Variants in VAX1 observed in about 807,000 individuals in gnomAD.
VAX1 encodes ventral anterior homeobox 1.
In VAX1, 6 loss-of-function variants were observed where a neutral mutation model predicts 17.6. The observed-to-expected ratio is 0.34, with a 90% CI of 0.19 to 0.67. The LOEUF (loss-of-function observed/expected upper bound fraction) is 0.67. Among genes scored for constraint, VAX1 ranks in the 30% least tolerant of loss-of-function variants. VAX1 has a pLI of 0.69. For missense variants in VAX1, 408 were observed against 463.7 expected, an observed-to-expected ratio of 0.88 and a Z score of 1.10; for synonymous variants, 256 against 227.4, an observed-to-expected ratio of 1.13 and a Z score of -1.13.
Position 117,133,650 on chromosome 10 carries a change from G to C in VAX1, c.*358C>G, listed in dbSNP as rs538410092. 1 of 1,007,774 alleles carries C rather than the reference G, an allele frequency of 9.9e-7. No individual in the cohort carries two copies. Among genetic ancestry groups the C allele is most frequent in the African/African-American group, 1.7e-5 (1 of 58,108 alleles). 62.4% of individuals were successfully genotyped at this position (1,007,774 alleles called of 1,614,324 possible). A position where few individuals can be genotyped will look rare whatever the true frequency, so the allele number is the denominator to read the frequency against. On this transcript the variant is annotated 3_prime_UTR_variant, in exon 3 of 3. Coordinates refer to ENST00000369206, the MANE Select transcript of VAX1 (RefSeq NM_001112704.2). ...AGCGGCAGCAGCCGCAGCAGCCGCGGATCTAGAGCAAACGTCCTGTGCTTT... is the reference window on the plus strand; with the variant it reads ...AGCGGCAGCAGCCGCAGCAGCCGCGCATCTAGAGCAAACGTCCTGTGCTTT...
At position 117,133,502 on chromosome 10, in the gene VAX1, C is replaced by T. The variant is rs1202069069; in HGVS notation, c.*506G>A. ...CCGCAAAGCGGGGCCCAGGGGCTCC[C>T]ACAAGCCCTGGTTTCCCTGGCAAGA... is the stretch of plus-strand genomic sequence containing the variant. On this transcript the variant is annotated 3_prime_UTR_variant, in exon 3 of 3. Coordinates refer to ENST00000369206, the MANE Select transcript of VAX1 (RefSeq NM_001112704.2). 1.0e-6 allele frequency: 1 copy of T among 985,540 alleles called. No homozygotes were observed. The highest frequency in any genetic ancestry group is 6.1e-5 in the Admixed American group (1 of 16,280). 61.0% of individuals were successfully genotyped at this position (985,540 alleles called of 1,614,324 possible).
intron 2 of VAX1, among the ~76,000 whole-genome samples, chr10:117,135,231 G>A (rs1454628252): frequency 2.0e-5 from 3 of 152,204 alleles, no homozygotes; most frequent in Non-Finnish European, 4.4e-5. Flanking sequence ...ATGTGCGGGA[G>A]ACTTTATGTA....
In VAX1 at chr10:117,134,448, A is replaced by G. The variant is rs1854142575; in HGVS notation, c.565T>C (p.Ser189Pro). 1.3e-6 allele frequency: 2 copies of G among 1,510,042 alleles called. No individual in the cohort carries two copies. Among genetic ancestry groups the G allele is most frequent in the South Asian group, 2.4e-5 (2 of 81,848 alleles). The allele number at this position is 1,510,042 out of a possible 1,614,324, so 93.5% of individuals were successfully genotyped here. ...LRLLEQGRLL[S>P]PPGLPALLPP... The stretch of plus-strand genomic sequence containing the variant: ...AGCAGCGCAGGCAGGCCGGGCGGCG[A>G]CAACAGGCGGCCCTGCTCCAGCAGC... The change falls in exon 3 of 3, where the codon TCG (serine) becomes CCG (proline). Residue 189 changes from serine to proline, a missense_variant. Ser to Pro is a moderately conservative substitution (Grantham distance 74). Coordinates refer to ENST00000369206, the MANE Select transcript of VAX1 (RefSeq NM_001112704.2). The surrounding 1 kb of genome is among the most constrained non-coding windows in gnomAD (Gnocchi z 6.2).
Position 117,133,601 on chromosome 10 carries a change from C to G in VAX1, c.*407G>C, listed in dbSNP as rs905701860. The stretch of plus-strand genomic sequence containing the variant: ...GGGTCTGCGCGCAGTTTTCCTCTTT[C>G]AAATATTCCTAGGAATAGTCGGCAG... On this transcript the variant is annotated 3_prime_UTR_variant, in exon 3 of 3. Coordinates refer to ENST00000369206, the MANE Select transcript of VAX1 (RefSeq NM_001112704.2). 1.2e-5 allele frequency: 12 copies of G among 988,660 alleles called. No individual in the cohort carries two copies. The highest frequency in any genetic ancestry group is 1.4e-5 in the Non-Finnish European group (12 of 832,316). 61.2% of individuals were successfully genotyped at this position (988,660 alleles called of 1,614,324 possible).
chr10:117,132,122 T>C, downstream of VAX1: 1 of 1,359,178 alleles, frequency 7.4e-7, no homozygotes, highest in Non-Finnish European at 1.0e-6. The surrounding 1 kb of genome is among the most constrained non-coding windows in gnomAD (Gnocchi z 4.9). Flanking sequence ...CAAATCGTCG[T>C]AGCCAGGCGT....
Position 117,133,647 on chromosome 10 carries a change from G to A in VAX1, c.*361C>T, listed in dbSNP as rs1236724868. On this transcript the variant is annotated 3_prime_UTR_variant, in exon 3 of 3. Coordinates refer to ENST00000369206, the MANE Select transcript of VAX1 (RefSeq NM_001112704.2). ...GGCAGCGGCAGCAGCCGCAGCAGCC[G>A]CGGATCTAGAGCAAACGTCCTGTGC... is the stretch of plus-strand genomic sequence containing the variant. 1.3e-5 allele frequency: 13 copies of A among 1,002,518 alleles called. No individual in the cohort carries two copies. Among genetic ancestry groups the A allele is most frequent in the Non-Finnish European group, 1.4e-5 (12 of 841,656 alleles). The allele number at this position is 1,002,518 out of a possible 1,614,324, so 62.1% of individuals were successfully genotyped here.
Position 117,137,098 on chromosome 10 carries a change from C to CT in VAX1, c.242-440_242-439insA, listed in dbSNP as rs1237784297. ...CCCCCACCCTCGAGTCTCCTTCCCT[C>CT]CGGAGTCCGCGCGGCGGAAGGAGGA... On this transcript the variant is annotated intron_variant, in intron 1 of 2. Coordinates refer to ENST00000369206, the MANE Select transcript of VAX1 (RefSeq NM_001112704.2). The surrounding 1 kb of genome is among the most constrained non-coding windows in gnomAD (Gnocchi z 7.4). 1.3e-5 allele frequency among the ~76,000 whole-genome samples: 2 copies of CT among 151,818 alleles called. No individual in the cohort carries two copies. The highest frequency in any genetic ancestry group is 1.5e-5 in the Non-Finnish European group (1 of 67,832).
Position 117,134,350 on chromosome 10 carries a change from G to A in VAX1, c.663C>T (p.Ala221=). 9.0e-7 allele frequency: 1 copy of A among 1,107,238 alleles called. No individual in the cohort carries two copies. Among genetic ancestry groups the A allele is most frequent in the Non-Finnish European group, 1.1e-6 (1 of 909,058 alleles). The allele number at this position is 1,107,238 out of a possible 1,614,324, so 68.6% of individuals were successfully genotyped here. The change falls in exon 3 of 3, where the codon GCC becomes GCT. Residue 221 remains alanine, a synonymous_variant. Transcript: ENST00000369206. The surrounding 1 kb of genome is among the most constrained non-coding windows in gnomAD (Gnocchi z 6.2). ...GPSLPALGAG[A]AAGSAAAAAA... ...CGGCTGCGGCGGCCGAGCCTGCAGC[G>A]GCGCCCGCGCCCAGGGCCGGCAAGC...
At position 117,136,868 on chromosome 10, in the gene VAX1, C is replaced by G. The variant is rs1039541964; in HGVS notation, c.242-209G>C. On this transcript the variant is annotated intron_variant, in intron 1 of 2. Coordinates refer to ENST00000369206, the MANE Select transcript of VAX1 (RefSeq NM_001112704.2). The surrounding 1 kb of genome is among the most constrained non-coding windows in gnomAD (Gnocchi z 5.0). ...ACCGCTGACCGAAGGAGGGACCACACTTTGTCTTTTTGTAGAGTCCTCCAG... is the reference window on the plus strand; with the variant it reads ...ACCGCTGACCGAAGGAGGGACCACAGTTTGTCTTTTTGTAGAGTCCTCCAG... Among the ~76,000 whole-genome samples, 1 of 152,230 alleles carries G rather than the reference C, an allele frequency of 6.6e-6. No homozygotes were observed. The highest frequency in any genetic ancestry group is 1.5e-5 in the Non-Finnish European group (1 of 68,042).
Position 117,136,484 on chromosome 10 carries a change from G to A in VAX1, c.417C>T (p.Leu139=). The change falls in exon 2 of 3, where the codon CTC becomes CTT. Residue 139 remains leucine, a synonymous_variant. Coordinates refer to ENST00000369206, the MANE Select transcript of VAX1 (RefSeq NM_001112704.2). The surrounding 1 kb of genome is among the most constrained non-coding windows in gnomAD (Gnocchi z 5.0). Reference sequence around the variant, plus strand: ...GGTCGCCGGGTACCTGGGTCTCGGAGAGGTTAAGCTGCCGGGCGAGCTCGG... The same window carrying A: ...GGTCGCCGGGTACCTGGGTCTCGGAAAGGTTAAGCTGCCGGGCGAGCTCGG... ...ERTELARQLN[L]SETQVKVWFQ... 1 of 1,613,528 alleles carries A rather than the reference G, an allele frequency of 6.2e-7. No individual in the cohort carries two copies. The highest frequency in any genetic ancestry group is 8.5e-7 in the Non-Finnish European group (1 of 1,180,008).
rs1230970378 is a variant in VAX1, at chr10:117,138,115, G to C, written c.-59C>G. 2 of 332,688 alleles carry C rather than the reference G, an allele frequency of 6.0e-6. No homozygotes were observed. The highest frequency in any genetic ancestry group is 1.1e-5 in the Non-Finnish European group (2 of 182,688). The allele number at this position is 332,688 out of a possible 1,614,324, so 20.6% of individuals were successfully genotyped here. On this transcript the variant is annotated 5_prime_UTR_variant, in exon 1 of 3. Coordinates refer to ENST00000369206, the MANE Select transcript of VAX1 (RefSeq NM_001112704.2). ...AAAAAGCAAAAAAAAAAAAAAGGGG[G>C]GGGGGCGGAGAAGGAAAAAAAAAAG...
chr10:117,132,210 T>C (rs1226542143), downstream of VAX1: 1 of 1,613,462 alleles, frequency 6.2e-7, no homozygotes, highest in African/African-American at 1.3e-5. This position sits in a 1 kb window ranked among gnomAD's most constrained non-coding sequence, Gnocchi z 4.9. Context: ...GGCCCCGCAC[T>C]ATAGGGGCTG....
Position 117,137,875 on chromosome 10 carries a change from T to A in VAX1, c.182A>T (p.Asn61Ile). The A allele has an allele frequency of 2.5e-6, 4 of 1,613,596 alleles. No homozygotes were observed. Among genetic ancestry groups the A allele is most frequent in the Non-Finnish European group, 3.4e-6 (4 of 1,179,926 alleles). The change falls in exon 1 of 3, where the codon AAC (asparagine) becomes ATC (isoleucine). Residue 61 changes from asparagine to isoleucine, a missense_variant. This residue lies in a region of VAX1 where 133 missense variants were observed against 112.0 expected (regional missense o/e 1.19). Transcript: ENST00000369206. The surrounding 1 kb of genome is among the most constrained non-coding windows in gnomAD (Gnocchi z 7.4). ...FSASGAAEDC[N>I]KSKSNSAADP... The stretch of plus-strand genomic sequence containing the variant: ...CGCTGCGGAATTGGATTTACTTTTG[T>A]TACAATCCTCAGCAGCGCCCGACGC...
chr10:117,138,025 C>T lies in VAX1; in HGVS notation c.32G>A (p.Arg11Gln), dbSNP rs748062678. Reference sequence around the variant, plus strand: ...GGCAGCCTCGGCGTCCGAGTGGCATCGAACGTCCATTTTGTCTGGTTTCCC... The same window carrying T: ...GGCAGCCTCGGCGTCCGAGTGGCATTGAACGTCCATTTTGTCTGGTTTCCC... MFGKPDKMDV[R>Q]CHSDAEAARV... Residue 11 changes from arginine (R) to glutamine (Q), a missense_variant, in exon 1 of 3, where the codon CGA (arginine) becomes CAA (glutamine). Physicochemically the swap from Arg to Gln is conservative, Grantham distance 43 (BLOSUM62 1). Transcript: ENST00000369206. 2 of 1,600,186 alleles carry T rather than the reference C, an allele frequency of 1.2e-6. No homozygotes were observed. Among genetic ancestry groups the T allele is most frequent in the East Asian group, 2.3e-5 (1 of 44,080 alleles).
rs551089890 is a variant in VAX1, at chr10:117,137,463, C to G, written c.241+353G>C. Reference sequence around the variant, plus strand: ...GAGCGCGGGAGTCCCCTGGCCGGCTCCCGGCAGGTCGTCCGGCCCTTGGAG... The same window carrying G: ...GAGCGCGGGAGTCCCCTGGCCGGCTGCCGGCAGGTCGTCCGGCCCTTGGAG... On this transcript the variant is annotated intron_variant, in intron 1 of 2. Coordinates refer to ENST00000369206, the MANE Select transcript of VAX1 (RefSeq NM_001112704.2). This position sits in a 1 kb window ranked among gnomAD's most constrained non-coding sequence, Gnocchi z 7.4. 6.6e-6 allele frequency among the ~76,000 whole-genome samples: 1 copy of G among 152,232 alleles called. No individual in the cohort carries two copies. The highest frequency in any genetic ancestry group is 1.5e-5 in the Non-Finnish European group (1 of 68,034).
Position 117,138,072 on chromosome 10 carries a change from C to CA in VAX1, c.-17dup. On this transcript the variant is annotated 5_prime_UTR_variant, in exon 1 of 3. Transcript: ENST00000369206. ...TCCCGAACATAGGCAAGAACAACAA[C>CA]AAAAACAGAAAGGAAAAAAAAAGCA... 1 of 873,144 alleles carries CA rather than the reference C, an allele frequency of 1.1e-6. No homozygotes were observed. The highest frequency in any genetic ancestry group is 1.5e-6 in the Non-Finnish European group (1 of 672,804). 54.1% of individuals were successfully genotyped at this position (873,144 alleles called of 1,614,324 possible).
At chr10:117,131,662 C>T, downstream of VAX1, 1 of 152,632 alleles carries the variant, frequency 6.6e-6, no homozygotes, top group Non-Finnish European at 1.5e-5. Context: ...TCGCCCCGTG[C>T]TGCACACGCT....
chr10:117,132,380 A>G, downstream of VAX1: 1 of 1,610,936 alleles, frequency 6.2e-7, no homozygotes, highest in Non-Finnish European at 8.5e-7. The surrounding 1 kb of genome is among the most constrained non-coding windows in gnomAD (Gnocchi z 4.9). Flanking sequence ...TAAATACAAA[A>G]CATCCAAATA....
rs879047210 is a variant in VAX1, at chr10:117,138,085, G to T, written c.-29C>A. On this transcript the variant is annotated 5_prime_UTR_variant, in exon 1 of 3. Coordinates refer to ENST00000369206, the MANE Select transcript of VAX1 (RefSeq NM_001112704.2). ...CAAGAACAACAACAAAAACAGAAAGGAAAAAAAAAGCAAAAAAAAAAAAAA... is the reference window on the plus strand; with the variant it reads ...CAAGAACAACAACAAAAACAGAAAGTAAAAAAAAAGCAAAAAAAAAAAAAA... 13 of 217,860 alleles carry T rather than the reference G, an allele frequency of 6.0e-5. No individual in the cohort carries two copies. Among genetic ancestry groups the T allele is most frequent in the Non-Finnish European group, 8.7e-5 (12 of 137,366 alleles). 13.5% of individuals were successfully genotyped at this position (217,860 alleles called of 1,614,324 possible).
Sources: gnomAD v4.1 joint callset for allele counts (sites outside exome capture counted in the v4.1 genomes callset) on GRCh38, gnomAD v4.1.1 for gene constraint, gnomAD v4.1.1 regional missense constraint, Gnocchi (gnomAD v3.1) non-coding constraint, MANE v1.5 for transcripts, NCBI Gene and HGNC (gene_info 2026-07-23, HGNC 2026-07-21) for gene names.